SMARCAD1: variants seen among roughly 807,000 people sequenced by gnomAD.
SMARCAD1 encodes SWI/SNF-related matrix-associated actin-dependent regulator of chromatin subfamily A containing DEAD/H box 1.
A neutral mutation model predicts 127.1 loss-of-function variants in SMARCAD1; 25 were observed. That is an observed-to-expected ratio of 0.20 (90% CI 0.14 to 0.27). The LOEUF (loss-of-function observed/expected upper bound fraction) is 0.27, where lower values mean the gene tolerates loss of function less well. SMARCAD1 is among the 10% of genes least tolerant of loss of function. The pLI, the probability that SMARCAD1 is intolerant of heterozygous loss-of-function variation, is 1.00. For synonymous variants in SMARCAD1, 400 were observed against 396.9 expected (o/e 1.01, Z -0.09); for missense variants, 807 against 1,206.0 (o/e 0.67, Z 4.90).
At chr4:94,207,856 G>A (rs958971784), upstream of SMARCAD1, 3 of 336,310 alleles carry the variant, frequency 8.9e-6, no homozygotes, top group Non-Finnish European at 1.7e-5. Context: ...TCTCAGCTGG[G>A]ATCGCGCCGC....
In SMARCAD1 at chr4:94,278,609, G is replaced by A; in HGVS notation, c.2179-7G>A. 3 of 1,613,396 alleles carry A rather than the reference G, an allele frequency of 1.9e-6. No individual in the cohort carries two copies. Among genetic ancestry groups the A allele is most frequent in the Non-Finnish European group, 2.5e-6 (3 of 1,179,686 alleles). On this transcript the variant is annotated splice_polypyrimidine_tract_variant and splice_region_variant and intron_variant, in intron 17 of 23. Transcript: ENST00000354268. ...ATGATTATCTTAAACTGTTTTTTCT[G>A]TCTCAGGTTCTCAAGCAGTTACCCC...
chr4:94,283,082 CTT>C, intron 21 of SMARCAD1, 37 bp from the exon 22 acceptor site: 1 of 1,545,688 alleles, frequency 6.5e-7, no homozygotes, highest in Non-Finnish European at 8.9e-7. Context: ...CATTATACAA[CTT>C]TTTAGTGAGA....
In SMARCAD1 at chr4:94,278,613, C is replaced by G. The variant is rs1399795358; in HGVS notation, c.2179-3C>G. On this transcript the variant is annotated splice_polypyrimidine_tract_variant and splice_region_variant and intron_variant, in intron 17 of 23. Transcript: ENST00000354268. ...TTATCTTAAACTGTTTTTTCTGTCT[C>G]AGGTTCTCAAGCAGTTACCCCCCAA... is the stretch of plus-strand genomic sequence containing the variant. 1 of 1,613,668 alleles carries G rather than the reference C, an allele frequency of 6.2e-7. No homozygotes were observed. Among genetic ancestry groups the G allele is most frequent in the Admixed American group, 1.7e-5 (1 of 59,990 alleles).
At chr4:94,267,007 C>T (rs142992278) in intron 10 of SMARCAD1, among the ~76,000 whole-genome samples, 12 of 152,140 alleles carry the variant, frequency 7.9e-5, no homozygotes, top group African/African-American at 2.2e-4. Context: ...CTTAGTATTT[C>T]TCCTGTTTTA....
At chr4:94,247,844 C>A (rs1748684657) in intron 6 of SMARCAD1, among the ~76,000 whole-genome samples, 1 of 151,856 alleles carries the variant, frequency 6.6e-6, no homozygotes, top group Admixed American at 6.6e-5. Flanking sequence ...TTTGTTTTTT[C>A]TTTTTTCAAC....
intron 6 of SMARCAD1, among the ~76,000 whole-genome samples, chr4:94,243,215 A>C (rs1053630932): frequency 5.3e-5 from 8 of 152,244 alleles, no homozygotes; most frequent in African/African-American, 1.9e-4. Context: ...CTGGGATTAC[A>C]GGCGGCAGCC....
intron 2 of SMARCAD1, among the ~76,000 whole-genome samples, chr4:94,215,064 T>C (rs1218377028): frequency 6.6e-6 from 1 of 152,200 alleles, no homozygotes; most frequent in Non-Finnish European, 1.5e-5. Context: ...AAAATGGTTA[T>C]TATCCTTTGA....
At chr4:94,261,918 G>A (rs1187395279) in intron 9 of SMARCAD1, among the ~76,000 whole-genome samples, 1 of 152,122 alleles carries the variant, frequency 6.6e-6, no homozygotes, top group Non-Finnish European at 1.5e-5. Flanking sequence ...CCAGTTTATT[G>A]TTTTTTGGCA....
rs1433348876 is a variant in SMARCAD1, at chr4:94,276,445, A to G, written c.1915A>G (p.Ile639Val). The change falls in exon 15 of 24, where the codon ATT becomes GTT. Residue 639 changes from isoleucine to valine, a missense_variant. Ile to Val is a conservative substitution (Grantham distance 29, BLOSUM62 3). This residue lies in a region of SMARCAD1 where 148 missense variants were observed against 313.2 expected (regional missense o/e 0.47). Transcript: ENST00000354268. ...CCATATGCTGAAGAATATGGGCTCC[A>G]TTCGCTACCAGCACCTTATGACAAT... ...EGHMLKNMGS[I>V]RYQHLMTINA... 1.7e-5 allele frequency: 27 copies of G among 1,614,188 alleles called. No homozygotes were observed. The highest frequency in any genetic ancestry group is 2.3e-5 in the Non-Finnish European group (27 of 1,180,026).
intron 19 of SMARCAD1, among the ~76,000 whole-genome samples, chr4:94,279,709 A>G (rs573949879): frequency 1.3e-5 from 2 of 152,258 alleles, no homozygotes; most frequent in South Asian, 4.1e-4. Flanking sequence ...ACAGTTTGCT[A>G]ACTCCTAGTC....
intron 6 of SMARCAD1, among the ~76,000 whole-genome samples, chr4:94,246,116 CTTTT>C (rs765392820): frequency 7.1e-6 from 1 of 139,908 alleles, no homozygotes; most frequent in Admixed American, 7.2e-5. Context: ...AACTGACATT[CTTTT>C]TTTTTTTTTT....
intron 15 of SMARCAD1, 116 bp downstream of exon 15, chr4:94,276,590 C>T: frequency 1.5e-6 from 2 of 1,325,766 alleles, no homozygotes; most frequent in South Asian, 1.4e-5. Flanking sequence ...ATGTAGTATT[C>T]TGTGTTAGCA....
At chr4:94,220,000 T>C (rs1743848689) in intron 2 of SMARCAD1, among the ~76,000 whole-genome samples, 1 of 152,248 alleles carries the variant, frequency 6.6e-6, no homozygotes, top group South Asian at 2.1e-4. Context: ...TTCCTCTGTT[T>C]TTGTAGTTTT....
At position 94,278,872 on chromosome 4, in the gene SMARCAD1, T is replaced by C. The variant is rs925118320; in HGVS notation, c.2297-57T>C. 2.0e-5 allele frequency: 32 copies of C among 1,608,734 alleles called. 1 individual carries two copies. The South Asian group carries it at 3.1e-4, about 16-fold the overall frequency. On this transcript the variant is annotated intron_variant, in intron 18 of 23. Coordinates refer to ENST00000354268, the MANE Select transcript of SMARCAD1 (RefSeq NM_020159.5). ...AAATAATTTTAAAACTTAGTTGATATATTTCAACAGTTATCCGCTTGGTTT... is the reference window on the plus strand; with the variant it reads ...AAATAATTTTAAAACTTAGTTGATACATTTCAACAGTTATCCGCTTGGTTT...
rs1743759816 is a variant in SMARCAD1 at position 94,219,556 on chromosome 4, G to A, written c.191-6563G>A. 2.0e-5 allele frequency among the ~76,000 whole-genome samples: 3 copies of A among 152,000 alleles called. No individual in the cohort carries two copies. In the South Asian group the frequency reaches 6.2e-4, roughly 32 times the overall value. On this transcript the variant is annotated intron_variant, in intron 2 of 23. Transcript: ENST00000354268. Reference sequence around the variant, plus strand: ...CTGGATAAACTTGGGATATAAGATTGTCTTCTTTTATGCATACCACTCATA... The same window carrying A: ...CTGGATAAACTTGGGATATAAGATTATCTTCTTTTATGCATACCACTCATA...
In SMARCAD1 at chr4:94,257,029, GACACACT is replaced by G. The variant is rs537110508; in HGVS notation, c.1281+4023_1281+4029del. 2.3e-4 allele frequency among the ~76,000 whole-genome samples: 35 copies of G among 152,270 alleles called. No homozygotes were observed. The East Asian group carries it at 5.6e-3, about 24-fold the overall frequency. Reference sequence around the variant, plus strand: ...TCAAAAATATCTGTACAGTAAGAGTGACACACTGTGGCAAGAGAGTGATACTTCAGAT... The same window carrying G: ...TCAAAAATATCTGTACAGTAAGAGTGGTGGCAAGAGAGTGATACTTCAGAT... On this transcript the variant is annotated intron_variant, in intron 9 of 23. Coordinates refer to ENST00000354268, the MANE Select transcript of SMARCAD1 (RefSeq NM_020159.5).
At position 94,233,810 on chromosome 4, in the gene SMARCAD1, G is replaced by A. The variant is rs573268855; in HGVS notation, c.369-144G>A. ...TAACTACACTGAAATGGAAAAAAAA[G>A]GTCTCTTTCTGACAAGTATAGATTG... On this transcript the variant is annotated intron_variant, in intron 3 of 23. Coordinates refer to ENST00000354268, the MANE Select transcript of SMARCAD1 (RefSeq NM_020159.5). 760 of 839,268 alleles carry A rather than the reference G, an allele frequency of 9.1e-4. 2 individuals are homozygous for A. Among genetic ancestry groups the A allele is most frequent in the Non-Finnish European group, 1.0e-3 (569 of 543,856 alleles). 52.0% of individuals were successfully genotyped at this position (839,268 alleles called of 1,614,324 possible).
intron 9 of SMARCAD1, among the ~76,000 whole-genome samples, chr4:94,260,619 A>T (rs961482584): frequency 6.6e-6 from 1 of 152,206 alleles, no homozygotes; most frequent in Non-Finnish European, 1.5e-5. Context: ...TACAGGCGTG[A>T]GCCACCATGC....
chr4:94,264,494 A>G (rs1259218637), intron 9 of SMARCAD1: 7 of 451,554 alleles, frequency 1.6e-5, no homozygotes, highest in East Asian at 7.0e-5. Flanking sequence ...TTACTTTAAC[A>G]TAATGAGTTT....
Sources: gnomAD v4.1 joint callset for allele counts (sites outside exome capture counted in the v4.1 genomes callset) on GRCh38, gnomAD v4.1.1 for gene constraint, gnomAD v4.1.1 regional missense constraint, MANE v1.5 for transcripts, NCBI Gene and HGNC (gene_info 2026-07-23, HGNC 2026-07-21) for gene names.